PER3: variants seen among roughly 807,000 people sequenced by gnomAD.
The protein encoded by PER3 is period circadian protein homolog 3.
PER3 carries 107 observed loss-of-function variants against 127.2 expected under a neutral mutation model. The observed-to-expected ratio is 0.84, with a 90% CI of 0.72 to 0.99. The LOEUF (loss-of-function observed/expected upper bound fraction) is 0.99. Ranked by LOEUF, PER3 falls within the 50% of genes least tolerant of loss-of-function variation. The pLI, the probability that PER3 is intolerant of heterozygous loss-of-function variation, is 0.00. For missense variants in PER3, 1,560 were observed against 1,525.8 expected, an observed-to-expected ratio of 1.02 and a Z score of -0.37; for synonymous variants, 618 against 585.8, an observed-to-expected ratio of 1.05 and a Z score of -0.79.
chr1:7,786,613 C>G, intron 3 of PER3, 108 bp from the exon 4 acceptor site: 4 of 611,964 alleles, frequency 6.5e-6, no homozygotes, highest in Non-Finnish European at 1.2e-5. Context: ...GAAAAATGCA[C>G]TGAGGTGTTC....
chr1:7,799,714 G>A (rs1037187897), intron 7 of PER3, among the ~76,000 whole-genome samples: 1 of 152,008 alleles, frequency 6.6e-6, no homozygotes, highest in African/African-American at 2.4e-5. Flanking sequence ...ACGGACTGAG[G>A]TAGCAGGTAG....
At chr1:7,833,437 C>T (rs1247852732) in intron 19 of PER3, among the ~76,000 whole-genome samples, 1 of 152,104 alleles carries the variant, frequency 6.6e-6, no homozygotes, top group Non-Finnish European at 1.5e-5. Context: ...TATTTTGAAG[C>T]TCTTTTATTA....
At position 7,820,252 on chromosome 1, in the gene PER3, C is replaced by T. The variant is rs1031367029; in HGVS notation, c.1783+13C>T. 6.2e-7 allele frequency: 1 copy of T among 1,608,520 alleles called. No homozygotes were observed. Among genetic ancestry groups the T allele is most frequent in the South Asian group, 1.1e-5 (1 of 90,018 alleles). On this transcript the variant is annotated intron_variant, in intron 15 of 21. Transcript: ENST00000377532. ...CAAGCCTTACAAGGTAACAAGAATGCCCCTCAGAGTTAAATTCAAAGAACT... is the reference window on the plus strand; with the variant it reads ...CAAGCCTTACAAGGTAACAAGAATGTCCCTCAGAGTTAAATTCAAAGAACT...
At chr1:7,793,414 A>G (rs547452782) in intron 5 of PER3, among the ~76,000 whole-genome samples, 1 of 152,370 alleles carries the variant, frequency 6.6e-6, no homozygotes, top group African/African-American at 2.4e-5. Flanking sequence ...GAAGATTGGT[A>G]CAGTTTTCTG....
intron 19 of PER3, among the ~76,000 whole-genome samples, chr1:7,831,786 C>G (rs1258106116): frequency 6.6e-6 from 1 of 152,148 alleles, no homozygotes; most frequent in Admixed American, 6.5e-5. Context: ...GGATTATCTT[C>G]CTAATATTTT....
chr1:7,786,889 C>T (rs1037785697), intron 4 of PER3, 53 bp downstream of exon 4: 8 of 988,886 alleles, frequency 8.1e-6, no homozygotes, highest in Non-Finnish European at 8.2e-6. Context: ...TCCTAAGGGC[C>T]TGCTCTAGAT....
chr1:7,805,701 C>T (rs1577740161), intron 10 of PER3, among the ~76,000 whole-genome samples: 1 of 152,108 alleles, frequency 6.6e-6, no homozygotes, highest in Non-Finnish European at 1.5e-5. Context: ...TTGGCATGAA[C>T]GTAGGAAACT....
chr1:7,828,111 T>C (rs2097311726), intron 18 of PER3, among the ~76,000 whole-genome samples: 1 of 152,240 alleles, frequency 6.6e-6, no homozygotes. Context: ...TCTTTAAAAT[T>C]CGTTACAGGT....
intron 16 of PER3, among the ~76,000 whole-genome samples, chr1:7,825,594 T>C (rs1043744179): frequency 5.9e-5 from 9 of 152,188 alleles, no homozygotes; most frequent in African/African-American, 1.9e-4. Flanking sequence ...CTCGTTCATA[T>C]GTAATAAACT....
chr1:7,838,388 T>C (rs933843963), intron 21 of PER3, among the ~76,000 whole-genome samples: 1 of 152,166 alleles, frequency 6.6e-6, no homozygotes, highest in Non-Finnish European at 1.5e-5. Flanking sequence ...CCCAACCCTT[T>C]GCAACCACTG....
intron 5 of PER3, among the ~76,000 whole-genome samples, chr1:7,792,941 A>G (rs1256680174): frequency 6.6e-6 from 1 of 152,230 alleles, no homozygotes; most frequent in Non-Finnish European, 1.5e-5. Flanking sequence ...TGTGATGAAT[A>G]AATGGTATAA....
intron 10 of PER3, among the ~76,000 whole-genome samples, chr1:7,807,045 G>A (rs938050945): frequency 1.1e-4 from 16 of 152,006 alleles, no homozygotes; most frequent in African/African-American, 3.9e-4. Flanking sequence ...CCATGTATTT[G>A]TTCCTTTAGC....
At position 7,788,200 on chromosome 1, in the gene PER3, C is replaced by T. The variant is rs760310021; in HGVS notation, c.546C>T (p.His182=). The part of the protein sequence containing the change: ...APQDMRVFYA[H]TARAQLPFWN... ...AAGACATGAGGGTATTCTACGCGCACACTGCCAGAGCTCAGCTTCCTTTCT... is the reference window on the plus strand; with the variant it reads ...AAGACATGAGGGTATTCTACGCGCATACTGCCAGAGCTCAGCTTCCTTTCT... Residue 182 remains histidine, a synonymous_variant, in exon 5 of 22, where the codon CAC becomes CAT. Transcript: ENST00000377532. 3 of 1,614,104 alleles carry T rather than the reference C, an allele frequency of 1.9e-6. No individual in the cohort carries two copies. Among genetic ancestry groups the T allele is most frequent in the South Asian group, 2.2e-5 (2 of 91,080 alleles).
At chr1:7,837,655 G>C (rs2097364638) in intron 21 of PER3, among the ~76,000 whole-genome samples, 1 of 152,216 alleles carries the variant, frequency 6.6e-6, no homozygotes, top group South Asian at 2.1e-4. Flanking sequence ...GAACAGTAAA[G>C]CTTTGATTTA....
In PER3 at chr1:7,840,787, T is replaced by C. The variant is rs566768013; in HGVS notation, c.3550-1885T>C. Among the ~76,000 whole-genome samples, 32 of 151,766 alleles carry C rather than the reference T, an allele frequency of 2.1e-4. 1 individual carries two copies. The East Asian group carries it at 5.0e-3, about 24-fold the overall frequency. On this transcript the variant is annotated intron_variant, in intron 21 of 21. Transcript: ENST00000377532. ...CATGCCTGGCTAATTTTTTTTTTTT[T>C]CCCAGAGATGGAGCCTCACTCTGTT...
intron 18 of PER3, among the ~76,000 whole-genome samples, chr1:7,828,951 A>G (rs2097315631): frequency 6.6e-6 from 1 of 152,178 alleles, no homozygotes; most frequent in African/African-American, 2.4e-5. Flanking sequence ...AAAAAAAACT[A>G]CTTGTGGGGT....
At chr1:7,806,163 C>T (rs1323764878) in intron 10 of PER3, among the ~76,000 whole-genome samples, 2 of 152,034 alleles carry the variant, frequency 1.3e-5, no homozygotes, top group Non-Finnish European at 2.9e-5. Flanking sequence ...GTAAGTGTGA[C>T]AGTTGAAATG....
In PER3 at chr1:7,820,129, A is replaced by G. The variant is rs768902559; in HGVS notation, c.1673A>G (p.Tyr558Cys). The G allele has an allele frequency of 5.6e-6, 9 of 1,613,716 alleles. No individual in the cohort carries two copies. In the South Asian group the frequency reaches 7.7e-5, roughly 14 times the overall value. ...TGTTGTTACAGATACCTGAAGAGCT[A>G]CAACATTCCAGCTTTGAAAAGAAAG... ...IDSVIRYLKS[Y>C]NIPALKRKCI... The change falls in exon 15 of 22, where the codon TAC becomes TGC. Residue 558 changes from tyrosine to cysteine, a missense_variant. Tyr to Cys is a radical substitution (Grantham distance 194, BLOSUM62 -2). This residue lies in a region of PER3 where 1,332 missense variants were observed against 1,223.6 expected (regional missense o/e 1.09). Coordinates refer to ENST00000377532, the MANE Select transcript of PER3 (RefSeq NM_001377275.1).
chr1:7,837,026 C>T lies in PER3; in HGVS notation c.3426C>T (p.Asp1142=). 1.2e-6 allele frequency: 2 copies of T among 1,613,574 alleles called. No individual in the cohort carries two copies. Among genetic ancestry groups the T allele is most frequent in the Non-Finnish European group, 1.7e-6 (2 of 1,179,782 alleles). The change falls in exon 21 of 22, where the codon GAC becomes GAT. Residue 1142 remains aspartate (D), a synonymous_variant. Coordinates refer to ENST00000377532, the MANE Select transcript of PER3 (RefSeq NM_001377275.1). Reference sequence around the variant, plus strand: ...TTAAAGAAGTTGTACTAAAAGAAGACCTGGAAAAGCTAGAAAGTATGAGGC... The same window carrying T: ...TTAAAGAAGTTGTACTAAAAGAAGATCTGGAAAAGCTAGAAAGTATGAGGC... ...ERVKEVVLKE[D]LEKLESMRQQ...
Sources: gnomAD v4.1 joint callset for allele counts (sites outside exome capture counted in the v4.1 genomes callset) on GRCh38, gnomAD v4.1.1 for gene constraint, gnomAD v4.1.1 regional missense constraint, MANE v1.5 for transcripts, NCBI Gene and HGNC (gene_info 2026-07-23, HGNC 2026-07-21) for gene names.